CDKAL1: variants seen among roughly 807,000 people sequenced by gnomAD.
CDKAL1 encodes the protein CDKAL1 threonylcarbamoyladenosine tRNA methylthiotransferase, also known as threonylcarbamoyladenosine tRNA methylthiotransferase.
In CDKAL1, 32 loss-of-function variants were observed where a neutral mutation model predicts 68.2. The ratio of observed to expected loss-of-function variants is 0.47; its 90% CI spans 0.35 to 0.63. The LOEUF (loss-of-function observed/expected upper bound fraction) is 0.63, where lower values mean the gene tolerates loss of function less well. Ranked by LOEUF, CDKAL1 falls within the 30% of genes least tolerant of loss-of-function variation. The probability of loss-of-function intolerance (pLI) is 0.00; values close to 1 mark genes in which losing one functional copy is unlikely to be tolerated. For synonymous variants in CDKAL1, 234 were observed against 244.3 expected, an observed-to-expected ratio of 0.96 and a Z score of 0.39; for missense variants, 606 against 696.7, an observed-to-expected ratio of 0.87 and a Z score of 1.47.
intron 9 of CDKAL1, among the ~76,000 whole-genome samples, chr6:20,940,295 GATTA>G (rs1763908037): frequency 6.6e-6 from 1 of 152,050 alleles, no homozygotes; most frequent in Non-Finnish European, 1.5e-5. Flanking sequence ...AGTTTCTGTT[GATTA>G]ATTAGGAGAA....
intron 4 of CDKAL1, among the ~76,000 whole-genome samples, chr6:20,597,466 G>A (rs933422714): frequency 2.0e-5 from 3 of 151,238 alleles, no homozygotes; most frequent in Non-Finnish European, 2.9e-5. Context: ...CCAGGCTGGA[G>A]TGCAGTGGCA....
At chr6:20,594,269 A>T (rs1424332236) in intron 4 of CDKAL1, among the ~76,000 whole-genome samples, 3 of 152,212 alleles carry the variant, frequency 2.0e-5, no homozygotes, top group African/African-American at 7.2e-5. Context: ...TAATGTTGAC[A>T]GTGGGGTGTT....
chr6:20,954,944 A>T (rs1764709133), intron 9 of CDKAL1, among the ~76,000 whole-genome samples: 1 of 152,208 alleles, frequency 6.6e-6, no homozygotes, highest in South Asian at 2.1e-4. Context: ...AAAAATGGAT[A>T]CCTTATAATT....
At chr6:20,786,124 C>G (rs527254394) in intron 8 of CDKAL1, among the ~76,000 whole-genome samples, 1 of 152,220 alleles carries the variant, frequency 6.6e-6, no homozygotes, top group East Asian at 1.9e-4. Flanking sequence ...ACTCGGGAGG[C>G]TGAGGCAGGA....
intron 11 of CDKAL1, among the ~76,000 whole-genome samples, chr6:21,014,332 G>C (rs1286774287): frequency 6.6e-6 from 1 of 152,142 alleles, no homozygotes; most frequent in Non-Finnish European, 1.5e-5. Flanking sequence ...GGCCGGGTGT[G>C]GTGGCTCACA....
At chr6:20,735,531 G>A (rs1367158651) in intron 5 of CDKAL1, among the ~76,000 whole-genome samples, 5 of 152,184 alleles carry the variant, frequency 3.3e-5, no homozygotes, top group Non-Finnish European at 4.4e-5. Flanking sequence ...GGCTCCTCCC[G>A]TGATATGTGA....
At chr6:20,555,114 T>C (rs1031535299) in intron 4 of CDKAL1, among the ~76,000 whole-genome samples, 7 of 152,072 alleles carry the variant, frequency 4.6e-5, no homozygotes, top group Non-Finnish European at 7.4e-5. Flanking sequence ...TGTTACAGAG[T>C]AGAGTGCTAA....
intron 4 of CDKAL1, among the ~76,000 whole-genome samples, chr6:20,645,884 G>A (rs1257900471): frequency 6.6e-6 from 1 of 151,464 alleles, no homozygotes; most frequent in East Asian, 1.9e-4. Context: ...ACAAAGGGCA[G>A]GATCATCAAT....
chr6:20,556,910 C>T (rs1289239685), intron 4 of CDKAL1, among the ~76,000 whole-genome samples: 4 of 151,562 alleles, frequency 2.6e-5, no homozygotes, highest in Non-Finnish European at 4.4e-5. Context: ...TGGTGGTGGG[C>T]GCCTGTAGTC....
intron 9 of CDKAL1, among the ~76,000 whole-genome samples, chr6:20,876,354 T>TTAC (rs1266313812): frequency 2.0e-5 from 3 of 152,158 alleles, no homozygotes; most frequent in Non-Finnish European, 4.4e-5. Context: ...GGAGGATAGA[T>TTAC]TACTACTGCT....
At chr6:20,836,367 A>G (rs545571051) in intron 8 of CDKAL1, among the ~76,000 whole-genome samples, 1 of 152,358 alleles carries the variant, frequency 6.6e-6, no homozygotes, top group South Asian at 2.1e-4. Context: ...ATATATAAAA[A>G]TTCAGCGTAA....
chr6:21,171,571 T>G, intron 13 of CDKAL1, among the ~76,000 whole-genome samples: 1 of 152,188 alleles, frequency 6.6e-6, no homozygotes, highest in East Asian at 1.9e-4. Context: ...CTCAGAAACC[T>G]TTTCTGTAAT....
At chr6:20,825,709 A>C (rs2150451142) in intron 8 of CDKAL1, among the ~76,000 whole-genome samples, 1 of 152,258 alleles carries the variant, frequency 6.6e-6, no homozygotes, top group Non-Finnish European at 1.5e-5. Context: ...TAAATACTTT[A>C]AAAAATTGTT....
At chr6:21,009,881 T>C (rs1373764437) in intron 11 of CDKAL1, among the ~76,000 whole-genome samples, 1 of 152,134 alleles carries the variant, frequency 6.6e-6, no homozygotes, top group East Asian at 1.9e-4. Context: ...GGTTAAGGGG[T>C]ACAAACATAT....
At chr6:20,802,066 G>A (rs1329366795) in intron 8 of CDKAL1, among the ~76,000 whole-genome samples, 7 of 152,136 alleles carry the variant, frequency 4.6e-5, no homozygotes, top group South Asian at 2.1e-4. Context: ...TTGGGAGGCC[G>A]AGGTGGGCGG....
rs540260564 is a variant in CDKAL1 at position 21,015,655 on chromosome 6, G to A, written c.1055+15283G>A. Among the ~76,000 whole-genome samples the A allele has an allele frequency of 3.4e-4, 52 of 152,060 alleles. 2 individuals are homozygous for A. The highest frequency in any genetic ancestry group is 3.0e-3 in the Admixed American group (46 of 15,252). ...TTCAAGAATCGTGATAGCCGGGTGC[G>A]GTGGCTCACACCTGTAATCCCAGCA... On this transcript the variant is annotated intron_variant, in intron 11 of 15. Transcript: ENST00000274695.
intron 13 of CDKAL1, among the ~76,000 whole-genome samples, chr6:21,160,658 T>C (rs370148816): frequency 4.3e-4 from 48 of 112,682 alleles, no homozygotes; most frequent in African/African-American, 8.3e-4. Flanking sequence ...CACACACACG[T>C]GTGTGTGTGT....
At chr6:20,632,395 A>G (rs1334905670) in intron 4 of CDKAL1, among the ~76,000 whole-genome samples, 8 of 152,226 alleles carry the variant, frequency 5.3e-5, no homozygotes, top group African/African-American at 1.9e-4. Flanking sequence ...CTGAATGTAT[A>G]TTACTTTTGC....
rs1214651696 is a variant in CDKAL1 at position 21,204,923 on chromosome 6, T to TA, written c.1548+3650dup. On this transcript the variant is annotated intron_variant, in intron 15 of 15. Transcript: ENST00000274695. ...TCCATCTTGCAAAACTGAAACCCTGTACTCATTAAACAATAACTCCTCATT... is the reference window on the plus strand; with the variant it reads ...TCCATCTTGCAAAACTGAAACCCTGTAACTCATTAAACAATAACTCCTCATT... Among the ~76,000 whole-genome samples, 12 of 152,350 alleles carry TA rather than the reference T, an allele frequency of 7.9e-5. No homozygotes were observed. In the South Asian group the frequency reaches 2.1e-3, roughly 26 times the overall value.
Sources: allele counts gnomAD v4.1 joint callset (sites outside exome capture counted in the v4.1 genomes callset), GRCh38; gene constraint gnomAD v4.1.1; transcripts MANE v1.5; gene names NCBI Gene and HGNC (gene_info 2026-07-23, HGNC 2026-07-21).